Variants in FOXJ3 observed in about 807,000 individuals in gnomAD.
FOXJ3 encodes forkhead box protein J3.
Under a neutral mutation model 76.1 loss-of-function variants are expected in FOXJ3, and 22 were observed. That is an observed-to-expected ratio of 0.29 (90% CI 0.21 to 0.41). FOXJ3 has a LOEUF of 0.41. Among genes scored for constraint, FOXJ3 ranks in the 10% least tolerant of loss-of-function variants. FOXJ3 has a pLI of 1.00. For synonymous variants in FOXJ3, 269 were observed against 261.2 expected (o/e 1.03, Z -0.29); for missense variants, 613 against 762.1 (o/e 0.80, Z 2.30).
intron 1 of FOXJ3, among the ~76,000 whole-genome samples, chr1:42,324,575 G>A (rs952253739): frequency 2.6e-5 from 4 of 151,848 alleles, no homozygotes; most frequent in African/African-American, 7.3e-5. Flanking sequence ...CTGTACAAAC[G>A]TCAGAGTGTA....
At chr1:42,334,836 G>A (rs1211543811) in intron 1 of FOXJ3, 2 of 152,182 alleles carry the variant, frequency 1.3e-5, no homozygotes, top group African/African-American at 4.8e-5. Flanking sequence ...CAGCAGCTGA[G>A]AAGCGCCGCG....
At chr1:42,244,143 A>G (rs1445153357) in intron 4 of FOXJ3, among the ~76,000 whole-genome samples, 1 of 152,202 alleles carries the variant, frequency 6.6e-6, no homozygotes, top group Admixed American at 6.5e-5. Flanking sequence ...AACACAACAT[A>G]CCAAAACCTA....
chr1:42,328,194 G>A (rs1368066362), intron 1 of FOXJ3, among the ~76,000 whole-genome samples: 2 of 152,204 alleles, frequency 1.3e-5, no homozygotes, highest in African/African-American at 2.4e-5. Context: ...CACTTGTGGC[G>A]CTAAGGCAGG....
chr1:42,268,040 G>C (rs879135867), intron 3 of FOXJ3, among the ~76,000 whole-genome samples: 6 of 152,002 alleles, frequency 3.9e-5, no homozygotes, highest in Admixed American at 1.3e-4. Context: ...ATGGGGCAGA[G>C]GGAAAATCTG....
intron 4 of FOXJ3, among the ~76,000 whole-genome samples, chr1:42,237,387 T>C (rs985584772): frequency 4.0e-5 from 5 of 126,318 alleles, no homozygotes; most frequent in African/African-American, 1.5e-4. Context: ...AAAATATATA[T>C]ATATACATAC....
chr1:42,269,651 T>C (rs1651726632), intron 3 of FOXJ3, among the ~76,000 whole-genome samples: 1 of 152,170 alleles, frequency 6.6e-6, no homozygotes, highest in Admixed American at 6.6e-5. Context: ...ACTCAATCTT[T>C]ATGCCCAATG....
intron 4 of FOXJ3, among the ~76,000 whole-genome samples, chr1:42,237,570 C>T (rs1323288620): frequency 6.6e-6 from 1 of 150,922 alleles, no homozygotes; most frequent in Admixed American, 6.6e-5. Flanking sequence ...TATTTTCTCA[C>T]AATCTGTGGT....
At position 42,212,957 on chromosome 1, in the gene FOXJ3, C is replaced by CAAAAAAA. The variant is rs1209892066; in HGVS notation, c.529-7101_529-7095dup. On this transcript the variant is annotated intron_variant, in intron 5 of 12. Coordinates refer to ENST00000361346, the MANE Select transcript of FOXJ3 (RefSeq NM_014947.5). ...TGTCAGCCAAGAATTTTGTATCTAG[C>CAAAAAAA]AAAAAAAAAAAAAACAAAAAAAAAA... 4.4e-4 allele frequency among the ~76,000 whole-genome samples: 29 copies of CAAAAAAA among 65,258 alleles called. 2 individuals carry two copies. Among genetic ancestry groups the CAAAAAAA allele is most frequent in the Admixed American group, 8.7e-4 (4 of 4,610 alleles). 42.8% of individuals were successfully genotyped at this position (65,258 alleles called of 152,430 possible).
chr1:42,276,590 T>C (rs936719589), intron 3 of FOXJ3, among the ~76,000 whole-genome samples: 20 of 152,196 alleles, frequency 1.3e-4, no homozygotes, highest in Admixed American at 1.1e-3. Context: ...GGAAAAAAAA[T>C]TGGTCTCATT....
Position 42,178,984 on chromosome 1 carries a change from T to C in FOXJ3, c.*726A>G, listed in dbSNP as rs987663493. ...CCCAATTTCTTACCAATCAACAAAT[T>C]TTAGAGCTATTATAATGCAGATTTA... On this transcript the variant is annotated 3_prime_UTR_variant, in exon 13 of 13. Coordinates refer to ENST00000361346, the MANE Select transcript of FOXJ3 (RefSeq NM_014947.5). 2 of 152,576 alleles carry C rather than the reference T, an allele frequency of 1.3e-5. No individual in the cohort carries two copies. Among genetic ancestry groups the C allele is most frequent in the Admixed American group, 1.3e-4 (2 of 15,286 alleles). The allele number at this position is 152,576 out of a possible 1,614,324, so 9.5% of individuals were successfully genotyped here.
chr1:42,270,131 C>T (rs1651763196), intron 3 of FOXJ3, among the ~76,000 whole-genome samples: 1 of 152,204 alleles, frequency 6.6e-6, no homozygotes, highest in Non-Finnish European at 1.5e-5. Flanking sequence ...CAAATTGCTA[C>T]ATCTGCAAAG....
chr1:42,252,797 T>C (rs1435706004), intron 4 of FOXJ3, among the ~76,000 whole-genome samples: 2 of 152,162 alleles, frequency 1.3e-5, no homozygotes, highest in East Asian at 1.9e-4. Context: ...CATTTAGGTA[T>C]TGATGGGACA....
rs1035892546 is a variant in FOXJ3 at position 42,191,283 on chromosome 1, A to G, written c.1351+20T>C. The G allele has an allele frequency of 3.9e-6, 6 of 1,524,874 alleles. No homozygotes were observed. Among genetic ancestry groups the G allele is most frequent in the Non-Finnish European group, 5.3e-6 (6 of 1,133,364 alleles). 94.5% of individuals were successfully genotyped at this position (1,524,874 alleles called of 1,614,324 possible). A position where few individuals can be genotyped will look rare whatever the true frequency, so the allele number is the denominator to read the frequency against. Reference sequence around the variant, plus strand: ...CTAATTCACAGTTAGCCAAACACAAACCAGGAGACAAAAACTTACCAGAAT... The same window carrying G: ...CTAATTCACAGTTAGCCAAACACAAGCCAGGAGACAAAAACTTACCAGAAT... On this transcript the variant is annotated intron_variant, in intron 9 of 12. Coordinates refer to ENST00000361346, the MANE Select transcript of FOXJ3 (RefSeq NM_014947.5).
chr1:42,209,403 G>A (rs1646922774), intron 5 of FOXJ3, among the ~76,000 whole-genome samples: 1 of 152,082 alleles, frequency 6.6e-6, no homozygotes. Context: ...TTTCCTAGAA[G>A]CAACACAGGA....
chr1:42,238,066 C>T (rs1016777535), intron 4 of FOXJ3, among the ~76,000 whole-genome samples: 7 of 152,142 alleles, frequency 4.6e-5, no homozygotes, highest in Non-Finnish European at 1.0e-4. Context: ...GGGAGTCTCA[C>T]TCTGTCACCC....
chr1:42,309,092 A>T (rs916520522), intron 2 of FOXJ3, among the ~76,000 whole-genome samples: 9 of 152,118 alleles, frequency 5.9e-5, no homozygotes, highest in African/African-American at 2.2e-4. Context: ...TACAAACGTA[A>T]CTTCATTGTT....
At chr1:42,241,380 GCA>G (rs2124523322) in intron 4 of FOXJ3, among the ~76,000 whole-genome samples, 1 of 152,242 alleles carries the variant, frequency 6.6e-6, no homozygotes, top group South Asian at 2.1e-4. Context: ...AGCTACCTGA[GCA>G]CACTGCCAAA....
In FOXJ3 at chr1:42,179,756, G is replaced by C. The variant is rs777351266; in HGVS notation, c.1823C>G (p.Pro608Arg). Reference sequence around the variant, plus strand: ...AAAGTCATCCTGGATGTCATCTGGAGGCAGGGAACGCCGCATCTGGAAGGC... The same window carrying C: ...AAAGTCATCCTGGATGTCATCTGGACGCAGGGAACGCCGCATCTGGAAGGC... ...SQAFQMRRSL[P>R]PDDIQDDFDW... The change falls in exon 13 of 13, where the codon CCT becomes CGT. Residue 608 changes from proline to arginine, a missense_variant. By Grantham distance (103) the Pro-to-Arg change is moderately radical. This residue lies in a region of FOXJ3 where 526 missense variants were observed against 601.4 expected (regional missense o/e 0.87). Coordinates refer to ENST00000361346, the MANE Select transcript of FOXJ3 (RefSeq NM_014947.5). 1 of 1,614,026 alleles carries C rather than the reference G, an allele frequency of 6.2e-7. No homozygotes were observed. Among genetic ancestry groups the C allele is most frequent in the East Asian group, 2.2e-5 (1 of 44,882 alleles).
At chr1:42,254,038 G>A (rs1187381956) in intron 4 of FOXJ3, among the ~76,000 whole-genome samples, 1 of 151,510 alleles carries the variant, frequency 6.6e-6, no homozygotes, top group Non-Finnish European at 1.5e-5. Context: ...CCTACAAAAT[G>A]GGAGAAAATT....
Sources: gnomAD v4.1 joint callset for allele counts (sites outside exome capture counted in the v4.1 genomes callset) on GRCh38, gnomAD v4.1.1 for gene constraint, gnomAD v4.1.1 regional missense constraint, MANE v1.5 for transcripts, NCBI Gene and HGNC (gene_info 2026-07-23, HGNC 2026-07-21) for gene names.